The following KCNH1 variants were observed in gnomAD, a reference collection of about 807,000 sequenced individuals.
KCNH1 encodes potassium voltage-gated channel subfamily H member 1.
Under a neutral mutation model 69.2 loss-of-function variants are expected in KCNH1, and 27 were observed. The observed-to-expected ratio is 0.39, with a 90% CI of 0.29 to 0.54. The LOEUF is 0.54. Ranked by LOEUF, KCNH1 falls within the 20% of genes least tolerant of loss-of-function variation. KCNH1 has a pLI of 0.68. For synonymous variants in KCNH1, 456 were observed against 487.7 expected (o/e 0.93, Z 0.86); for missense variants, 798 against 1,261.6 (o/e 0.63, Z 5.57).
intron 7 of KCNH1, among the ~76,000 whole-genome samples, chr1:210,836,487 C>T (rs1486986337): frequency 6.6e-6 from 1 of 152,168 alleles, no homozygotes; most frequent in Admixed American, 6.6e-5. Context: ...GTTAATGCCC[C>T]TCAATTTACT....
chr1:211,071,351 G>C (rs1265488732), intron 5 of KCNH1, among the ~76,000 whole-genome samples: 1 of 152,150 alleles, frequency 6.6e-6, no homozygotes, highest in Non-Finnish European at 1.5e-5. Flanking sequence ...ACATGCTAGA[G>C]ATTCTTGATG....
intron 7 of KCNH1, among the ~76,000 whole-genome samples, chr1:210,813,473 G>T (rs181094406): frequency 9.9e-5 from 15 of 152,186 alleles, no homozygotes; most frequent in African/African-American, 3.6e-4. Context: ...GAGTGTGAGG[G>T]GGTAGGGAAT....
chr1:210,806,855 A>ATATATATATATATATATATATATATATAT (rs1553346606), intron 7 of KCNH1, among the ~76,000 whole-genome samples: 2 of 127,380 alleles, frequency 1.6e-5, no homozygotes, highest in Non-Finnish European at 3.2e-5. Flanking sequence ...ATATATATAT[A>ATATATATATATATATATATATATATATAT]AATTTGCCGG....
chr1:211,003,315 T>C (rs931368179), intron 6 of KCNH1, among the ~76,000 whole-genome samples: 2 of 152,202 alleles, frequency 1.3e-5, no homozygotes, highest in African/African-American at 4.8e-5. Context: ...GATTACGGTA[T>C]TTATTTCCCC....
intron 7 of KCNH1, among the ~76,000 whole-genome samples, chr1:210,848,536 T>C (rs1187957945): frequency 6.6e-6 from 1 of 152,200 alleles, no homozygotes; most frequent in Non-Finnish European, 1.5e-5. Context: ...CCTTCTATGA[T>C]AAGCCCTATA....
intron 5 of KCNH1, among the ~76,000 whole-genome samples, chr1:211,050,291 G>C (rs1445793809): frequency 2.3e-5 from 1 of 43,480 alleles, no homozygotes; most frequent in Non-Finnish European, 4.5e-5. Flanking sequence ...AAAAAAAAAA[G>C]GACAGCTTGA....
At chr1:210,689,229 T>G (rs547144204) in intron 10 of KCNH1, among the ~76,000 whole-genome samples, 1 of 152,208 alleles carries the variant, frequency 6.6e-6, no homozygotes, top group African/African-American at 2.4e-5. Flanking sequence ...TCAACTTGGT[T>G]TGAAAAACCA....
intron 10 of KCNH1, among the ~76,000 whole-genome samples, chr1:210,734,565 C>A (rs557418682): frequency 1.3e-5 from 2 of 152,182 alleles, no homozygotes; most frequent in Non-Finnish European, 2.9e-5. Flanking sequence ...CGCCACCCCC[C>A]ACCAAAACCT....
At chr1:210,709,846 A>G (rs750445917) in intron 10 of KCNH1, among the ~76,000 whole-genome samples, 5 of 152,184 alleles carry the variant, frequency 3.3e-5, no homozygotes, top group Non-Finnish European at 5.9e-5. Context: ...TGCTGGGGAG[A>G]TACTATTCGT....
chr1:211,121,335 T>C (rs984614963), intron 1 of KCNH1, among the ~76,000 whole-genome samples: 5 of 152,008 alleles, frequency 3.3e-5, no homozygotes, highest in Non-Finnish European at 2.9e-5. Flanking sequence ...AACAGACATA[T>C]AGACCAATGG....
chr1:211,089,569 T>C (rs1691016571), intron 4 of KCNH1, among the ~76,000 whole-genome samples: 1 of 152,198 alleles, frequency 6.6e-6, no homozygotes, highest in Admixed American at 6.5e-5. Context: ...AGCAGCCACA[T>C]AATGCTTTTT....
chr1:210,736,658 A>G (rs549874196), intron 10 of KCNH1, among the ~76,000 whole-genome samples: 6 of 152,280 alleles, frequency 3.9e-5, no homozygotes, highest in Non-Finnish European at 5.9e-5. Flanking sequence ...AAAAAACACA[A>G]ACTCTTAAAA....
chr1:210,884,966 G>C (rs1457998171), intron 7 of KCNH1, among the ~76,000 whole-genome samples: 3 of 152,218 alleles, frequency 2.0e-5, no homozygotes, highest in African/African-American at 7.2e-5. Flanking sequence ...CAGAGCCTTA[G>C]GCAGTTACTC....
chr1:210,721,543 G>A (rs1199678418), intron 10 of KCNH1, among the ~76,000 whole-genome samples: 2 of 152,140 alleles, frequency 1.3e-5, no homozygotes, highest in Non-Finnish European at 2.9e-5. Context: ...GTTGATGGCC[G>A]AAATAAAATG....
At chr1:210,999,362 A>C (rs1390772799) in intron 6 of KCNH1, among the ~76,000 whole-genome samples, 4 of 152,188 alleles carry the variant, frequency 2.6e-5, no homozygotes, top group African/African-American at 7.2e-5. Context: ...AATACAAACT[A>C]CCATCAGAGA....
rs962854222 is a variant in KCNH1 at position 210,684,003 on chromosome 1, C to A, written c.2248G>T (p.Ala750Ser). 3.8e-6 allele frequency: 6 copies of A among 1,597,542 alleles called. No individual in the cohort carries two copies. The highest frequency in any genetic ancestry group is 4.3e-6 in the Non-Finnish European group (5 of 1,168,298). Residue 750 changes from alanine (A) to serine (S), a missense_variant, in exon 11 of 11, where the codon GCC (alanine) becomes TCC (serine). Physicochemically the swap from Ala to Ser is moderately conservative, Grantham distance 99. Around this residue, in one of 4 missense-constraint regions of KCNH1, gnomAD observed 331 missense variants for 363.2 expected, o/e 0.91. Coordinates refer to ENST00000271751, the MANE Select transcript of KCNH1 (RefSeq NM_172362.3). Reference protein sequence around the residue: ...LFQRFRQQKEARLAAERGGRD... With the variant: ...LFQRFRQQKESRLAAERGGRD... ...CCCCCTCTCTCAGCTGCCAGCCTGG[C>A]CTCTTTCTGCTGTCGGAATCTCTGG...
intron 7 of KCNH1, among the ~76,000 whole-genome samples, chr1:210,877,085 T>TAAAAAA: frequency 8.7e-6 from 1 of 115,280 alleles, no homozygotes. Flanking sequence ...AAAAAAAAAG[T>TAAAAAA]CACCACAAAG....
chr1:210,885,792 G>A (rs545112604), intron 7 of KCNH1, among the ~76,000 whole-genome samples: 12 of 152,296 alleles, frequency 7.9e-5, no homozygotes, highest in African/African-American at 2.9e-4. Context: ...TTCAAACTGG[G>A]CGAAGCACAC....
rs531630194 is a variant in KCNH1, at chr1:210,886,278, C to T, written c.1462+33362G>A. 1.4e-4 allele frequency among the ~76,000 whole-genome samples: 21 copies of T among 152,226 alleles called. No homozygotes were observed. The South Asian group carries it at 3.1e-3, about 23-fold the overall frequency. ...GGGTCTGGAGTGGACCTCCAGCAAA[C>T]TCCAGCAGACCCGCAGCAGAGCAGC... On this transcript the variant is annotated intron_variant, in intron 7 of 10. Transcript: ENST00000271751.
Sources: gnomAD v4.1 joint callset for allele counts (sites outside exome capture counted in the v4.1 genomes callset) on GRCh38, gnomAD v4.1.1 for gene constraint, gnomAD v4.1.1 regional missense constraint, MANE v1.5 for transcripts, NCBI Gene and HGNC (gene_info 2026-07-23, HGNC 2026-07-21) for gene names.